CBLB: variants seen among roughly 807,000 people sequenced by gnomAD.
CBLB encodes E3 ubiquitin-protein ligase CBL-B.
CBLB carries 31 observed loss-of-function variants against 104.9 expected under a neutral mutation model. The observed-to-expected ratio is 0.30, with a 90% CI of 0.22 to 0.40. The LOEUF (loss-of-function observed/expected upper bound fraction) is 0.40. Among genes scored for constraint, CBLB ranks in the 10% least tolerant of loss-of-function variants. CBLB has a pLI of 1.00. For synonymous variants in CBLB, 440 were observed against 422.6 expected, an observed-to-expected ratio of 1.04 and a Z score of -0.51; for missense variants, 1,062 against 1,214.6, an observed-to-expected ratio of 0.87 and a Z score of 1.87.
intron 3 of CBLB, among the ~76,000 whole-genome samples, chr3:105,815,337 T>A (rs998648827): frequency 5.9e-5 from 9 of 152,142 alleles, no homozygotes; most frequent in Admixed American, 4.6e-4. Context: ...TCCGTTCTGT[T>A]CAAAGGATGA....
At chr3:105,689,835 G>C (rs547258440) in intron 13 of CBLB, among the ~76,000 whole-genome samples, 1 of 151,986 alleles carries the variant, frequency 6.6e-6, no homozygotes, top group African/African-American at 2.4e-5. Context: ...ATAGCTAAGT[G>C]TCAAAGATGT....
intron 3 of CBLB, among the ~76,000 whole-genome samples, chr3:105,813,900 A>G (rs1417988017): frequency 6.6e-6 from 1 of 152,200 alleles, no homozygotes; most frequent in Non-Finnish European, 1.5e-5. Flanking sequence ...CAACACTGGC[A>G]GCATTTCAAT....
Position 105,660,446 on chromosome 3 carries a change from C to A in CBLB, c.2690-1217G>T, listed in dbSNP as rs529300375. On this transcript the variant is annotated intron_variant, in intron 18 of 18. Transcript: ENST00000394030. ...ACCTCAAGTGATCCACCCACCTTGGCCTCCCAAAGTGCTGGGATTACAGGA... is the reference window on the plus strand; with the variant it reads ...ACCTCAAGTGATCCACCCACCTTGGACTCCCAAAGTGCTGGGATTACAGGA... 1.3e-4 allele frequency among the ~76,000 whole-genome samples: 20 copies of A among 152,190 alleles called. No homozygotes were observed. The South Asian group carries it at 4.1e-3, about 32-fold the overall frequency.
chr3:105,725,024 A>G (rs1398755015), intron 9 of CBLB, among the ~76,000 whole-genome samples: 13 of 152,202 alleles, frequency 8.5e-5, no homozygotes, highest in Non-Finnish European at 1.5e-4. Flanking sequence ...TTCATAGTCA[A>G]GGTTAAAATA....
chr3:105,662,392 T>A lies in CBLB; in HGVS notation c.2690-3163A>T, dbSNP rs553854909. On this transcript the variant is annotated intron_variant, in intron 18 of 18. Transcript: ENST00000394030. ...AAATAACTATAAATTTTATCAACCCTGTGGAATTTCTGTACCTGAATATAC... is the reference window on the plus strand; with the variant it reads ...AAATAACTATAAATTTTATCAACCCAGTGGAATTTCTGTACCTGAATATAC... Among the ~76,000 whole-genome samples, 6 of 152,350 alleles carry A rather than the reference T, an allele frequency of 3.9e-5. No individual in the cohort carries two copies. In the East Asian group the frequency reaches 1.2e-3, roughly 29 times the overall value.
At chr3:105,724,606 T>C (rs531799482) in intron 9 of CBLB, among the ~76,000 whole-genome samples, 1 of 152,094 alleles carries the variant, frequency 6.6e-6, no homozygotes, top group African/African-American at 2.4e-5. Flanking sequence ...AGAATAAATA[T>C]AATAAGAAAA....
chr3:105,803,934 T>C (rs556173073), intron 3 of CBLB, among the ~76,000 whole-genome samples: 2 of 152,326 alleles, frequency 1.3e-5, no homozygotes, highest in South Asian at 4.1e-4. Flanking sequence ...TTTAGGGTAA[T>C]GTCGAGAGTA....
intron 9 of CBLB, among the ~76,000 whole-genome samples, chr3:105,723,438 G>C (rs1381613716): frequency 6.6e-6 from 1 of 151,924 alleles, no homozygotes; most frequent in African/African-American, 2.4e-5. Context: ...TAAACCAAAG[G>C]ATACAGAAGT....
intron 3 of CBLB, among the ~76,000 whole-genome samples, chr3:105,845,457 T>C (rs1463586251): frequency 6.6e-6 from 1 of 151,444 alleles, no homozygotes; most frequent in Non-Finnish European, 1.5e-5. Context: ...TTTATTAAAA[T>C]TTAAAAAGCT....
intron 3 of CBLB, among the ~76,000 whole-genome samples, chr3:105,784,281 AAAACACAATGAAAGTTCTGT>A (rs2080689539): frequency 6.6e-6 from 1 of 152,234 alleles, no homozygotes; most frequent in Admixed American, 6.5e-5. Context: ...CCTTTACGAT[AAAACACAATGAAAGTTCTGT>A]AAACACAATG....
intron 3 of CBLB, among the ~76,000 whole-genome samples, chr3:105,830,401 A>G (rs908273522): frequency 6.6e-6 from 1 of 152,208 alleles, no homozygotes; most frequent in African/African-American, 2.4e-5. Flanking sequence ...ACTCAGCACT[A>G]TAAGGATCTG....
chr3:105,686,523 TG>T (rs1187461040), intron 13 of CBLB, among the ~76,000 whole-genome samples: 3 of 152,142 alleles, frequency 2.0e-5, no homozygotes, highest in African/African-American at 4.8e-5. Flanking sequence ...AAGAGGCCTT[TG>T]GTATATTAAA....
intron 3 of CBLB, among the ~76,000 whole-genome samples, chr3:105,813,448 T>C (rs1163622124): frequency 6.6e-6 from 1 of 152,160 alleles, no homozygotes; most frequent in Admixed American, 6.5e-5. Context: ...TATGCAATGG[T>C]ATTTTGAGTA....
chr3:105,688,965 T>C (rs891163483), intron 13 of CBLB, among the ~76,000 whole-genome samples: 1 of 152,098 alleles, frequency 6.6e-6, no homozygotes, highest in Non-Finnish European at 1.5e-5. Context: ...TTCACACAGA[T>C]AACCTCATGG....
At chr3:105,663,714 C>T (rs2064058305) in intron 18 of CBLB, among the ~76,000 whole-genome samples, 5 of 152,078 alleles carry the variant, frequency 3.3e-5, no homozygotes, top group Admixed American at 2.6e-4. Flanking sequence ...AGAATGATTA[C>T]TCTAGGTCAT....
intron 5 of CBLB, among the ~76,000 whole-genome samples, chr3:105,747,418 G>C (rs139589872): frequency 6.6e-6 from 1 of 152,230 alleles, no homozygotes; most frequent in Admixed American, 6.5e-5. Flanking sequence ...AATTCTGCAA[G>C]GATTATATCC....
At chr3:105,752,592 T>C (rs2076692229) in intron 4 of CBLB, among the ~76,000 whole-genome samples, 1 of 152,228 alleles carries the variant, frequency 6.6e-6, no homozygotes, top group African/African-American at 2.4e-5. Context: ...TATTTAAATC[T>C]TAGGTTTCCT....
intron 3 of CBLB, among the ~76,000 whole-genome samples, chr3:105,849,795 T>C (rs1015591772): frequency 6.6e-6 from 1 of 152,094 alleles, no homozygotes; most frequent in Non-Finnish European, 1.5e-5. Context: ...ATGACTTGGC[T>C]GGATCAGGAA....
chr3:105,851,371 G>C (rs1333461023), intron 3 of CBLB, among the ~76,000 whole-genome samples: 1 of 150,510 alleles, frequency 6.6e-6, no homozygotes. Flanking sequence ...GTTGCCATGG[G>C]TTCAGGGGGG....
Sources: gnomAD v4.1 joint callset for allele counts (sites outside exome capture counted in the v4.1 genomes callset) on GRCh38, gnomAD v4.1.1 for gene constraint, MANE v1.5 for transcripts, NCBI Gene and HGNC (gene_info 2026-07-23, HGNC 2026-07-21) for gene names.